Variants in HSF5 observed in about 807,000 individuals in gnomAD.
HSF5 encodes the protein heat shock factor protein 5.
A neutral mutation model predicts 50.8 loss-of-function variants in HSF5; 5 were observed. The ratio of observed to expected loss-of-function variants is 0.10; its 90% CI spans 0.05 to 0.21. HSF5 has a LOEUF of 0.21. HSF5 is among the 10% of genes least tolerant of loss of function. The pLI is 1.00. For missense variants in HSF5, 564 were observed against 762.6 expected (o/e 0.74, Z 3.07); for synonymous variants, 307 against 307.4 (o/e 1.00, Z 0.02).
At chr17:58,449,599 C>G (rs1033930092) in intron 5 of HSF5, among the ~76,000 whole-genome samples, 2 of 151,572 alleles carry the variant, frequency 1.3e-5, no homozygotes, top group Non-Finnish European at 2.9e-5. Flanking sequence ...ACTCAGGAGG[C>G]TGAGGCACGA....
rs1163186942 is a variant in HSF5, at chr17:58,459,073, CTTA to C, written c.1543-131_1543-129del. The stretch of plus-strand genomic sequence containing the variant: ...AAACAAGCTTATAAGGCTTTTCATT[CTTA>C]TTATTGATACTATACCTTTCTCCCT... On this transcript the variant is annotated intron_variant, in intron 4 of 5. Transcript: ENST00000323777. 3.8e-5 allele frequency: 29 copies of C among 771,482 alleles called. No homozygotes were observed. The Middle Eastern group carries it at 2.0e-3, about 54-fold the overall frequency. 47.8% of individuals were successfully genotyped at this position (771,482 alleles called of 1,614,324 possible). A position where few individuals can be genotyped will look rare whatever the true frequency, so the allele number is the denominator to read the frequency against.
At chr17:58,442,766 T>C (rs549493985) in intron 5 of HSF5, among the ~76,000 whole-genome samples, 9 of 152,254 alleles carry the variant, frequency 5.9e-5, no homozygotes, top group East Asian at 1.9e-4. Flanking sequence ...GTTTGAGATG[T>C]AGTCTCTGTT....
chr17:58,479,828 A>AATAT, intron 2 of HSF5, 65 bp downstream of exon 2: 2 of 1,357,722 alleles, frequency 1.5e-6, no homozygotes, highest in African/African-American at 2.9e-5. Flanking sequence ...ATGCATTTAA[A>AATAT]ATATATATAT....
chr17:58,452,683 T>C (rs1974656971), intron 5 of HSF5, among the ~76,000 whole-genome samples: 1 of 152,148 alleles, frequency 6.6e-6, no homozygotes, highest in Non-Finnish European at 1.5e-5. Flanking sequence ...CACCGCACCA[T>C]CTGGGAAGTG....
chr17:58,429,784 T>G (rs1974340129), intron 5 of HSF5, among the ~76,000 whole-genome samples: 3 of 150,028 alleles, frequency 2.0e-5, no homozygotes, highest in African/African-American at 7.3e-5. Flanking sequence ...AGGTGGAGGT[T>G]GCAGTGAGCC....
chr17:58,424,830 T>C (rs142428034), intron 5 of HSF5, among the ~76,000 whole-genome samples: 5 of 152,198 alleles, frequency 3.3e-5, no homozygotes, highest in Non-Finnish European at 5.9e-5. Context: ...TTCTGGCACA[T>C]GCTACAACAA....
chr17:58,484,259 A>G (rs1169579665), intron 1 of HSF5, among the ~76,000 whole-genome samples: 1 of 152,120 alleles, frequency 6.6e-6, no homozygotes, highest in Non-Finnish European at 1.5e-5. Context: ...ACTTAGTTAT[A>G]TATGGATTGA....
At chr17:58,436,472 C>A (rs578146774) in intron 5 of HSF5, among the ~76,000 whole-genome samples, 94 of 151,346 alleles carry the variant, frequency 6.2e-4, no homozygotes, top group Non-Finnish European at 1.1e-3. Flanking sequence ...TGTTTCACAG[C>A]AGGAAGCCAA....
At chr17:58,446,137 CAAAAAAAAA>C (rs575406434) in intron 5 of HSF5, among the ~76,000 whole-genome samples, 1 of 47,840 alleles carries the variant, frequency 2.1e-5, no homozygotes, top group African/African-American at 7.7e-5. Flanking sequence ...AACTCCATCT[CAAAAAAAAA>C]AAAAAAAAAA....
At chr17:58,482,006 A>G (rs1399403398) in intron 1 of HSF5, among the ~76,000 whole-genome samples, 1 of 152,172 alleles carries the variant, frequency 6.6e-6, no homozygotes, top group Non-Finnish European at 1.5e-5. Context: ...TTTCGAAAAG[A>G]AATAATAAAG....
Position 58,476,759 on chromosome 17 carries a change from C to T in HSF5, c.925+3134G>A, listed in dbSNP as rs1402643954. On this transcript the variant is annotated intron_variant, in intron 2 of 5. Transcript: ENST00000323777. ...GATCTCTTCTGAAAAAAATGGTTGG[C>T]GGAGTTTGTTATATTTCTGTTCTAC... The T allele has an allele frequency of 8.1e-6, 13 of 1,598,098 alleles. No individual in the cohort carries two copies. In the Admixed American group the frequency reaches 8.3e-5, roughly 10 times the overall value.
intron 5 of HSF5, among the ~76,000 whole-genome samples, chr17:58,429,062 A>G (rs1974332184): frequency 3.9e-5 from 6 of 152,270 alleles, no homozygotes; most frequent in Admixed American, 3.9e-4. Context: ...CAGCCATAAT[A>G]AGAAATGAAG....
Position 58,421,495 on chromosome 17 carries a change from C to T in HSF5, c.*865G>A. 1 of 152,262 alleles carries T rather than the reference C, an allele frequency of 6.6e-6. No homozygotes were observed. Among genetic ancestry groups the T allele is most frequent in the Non-Finnish European group, 1.5e-5 (1 of 68,016 alleles). The allele number at this position is 152,262 out of a possible 1,614,324, so 9.4% of individuals were successfully genotyped here. A position where few individuals can be genotyped will look rare whatever the true frequency, so the allele number is the denominator to read the frequency against. On this transcript the variant is annotated 3_prime_UTR_variant, in exon 6 of 6. Transcript: ENST00000323777. Reference sequence around the variant, plus strand: ...TTTTCCTTTCAAAATAAAAATACTACACATGCATCCTTTATCCTTCTATCC... The same window carrying T: ...TTTTCCTTTCAAAATAAAAATACTATACATGCATCCTTTATCCTTCTATCC...
At chr17:58,459,688 G>T (rs533049364) in intron 4 of HSF5, among the ~76,000 whole-genome samples, 220 of 149,960 alleles carry the variant, frequency 1.5e-3, no homozygotes, top group Non-Finnish European at 2.3e-3. Flanking sequence ...ACAGGGTCTC[G>T]CTATGTTGCC....
chr17:58,457,955 C>T (rs1219320197), intron 5 of HSF5, among the ~76,000 whole-genome samples: 1 of 152,194 alleles, frequency 6.6e-6, no homozygotes, highest in Non-Finnish European at 1.5e-5. Flanking sequence ...ACACCATGAT[C>T]ATATCACTAT....
At chr17:58,471,493 A>G (rs960457650) in intron 2 of HSF5, among the ~76,000 whole-genome samples, 1 of 152,238 alleles carries the variant, frequency 6.6e-6, no homozygotes, top group Admixed American at 6.5e-5. Context: ...TTAAAACAAT[A>G]ATCAGTAACT....
At chr17:58,484,823 C>T (rs1251037085) in intron 1 of HSF5, among the ~76,000 whole-genome samples, 1 of 152,140 alleles carries the variant, frequency 6.6e-6, no homozygotes, top group Non-Finnish European at 1.5e-5. Flanking sequence ...AGTTCCTTAT[C>T]TTCTAAATTC....
intron 1 of HSF5, among the ~76,000 whole-genome samples, chr17:58,482,471 G>A (rs1305564454): frequency 6.6e-6 from 1 of 151,950 alleles, no homozygotes; most frequent in African/African-American, 2.4e-5. Flanking sequence ...CATTTTGGGA[G>A]GCTGAGGAGG....
rs181686510 is a variant in HSF5 at position 58,460,374 on chromosome 17, A to C, written c.1543-1429T>G. Among the ~76,000 whole-genome samples the C allele has an allele frequency of 5.8e-3, 883 of 152,130 alleles. 5 individuals are homozygous for C. The highest frequency in any genetic ancestry group is 9.3e-3 in the African/African-American group (387 of 41,510). Reference sequence around the variant, plus strand: ...CTTTGGAATGTAAATCCCTTTGTCAAGTTGATCAACTTCTGAAATACTCCA... The same window carrying C: ...CTTTGGAATGTAAATCCCTTTGTCACGTTGATCAACTTCTGAAATACTCCA... On this transcript the variant is annotated intron_variant, in intron 4 of 5. Transcript: ENST00000323777.
Sources: gnomAD v4.1 joint callset for allele counts (sites outside exome capture counted in the v4.1 genomes callset) on GRCh38, gnomAD v4.1.1 for gene constraint, MANE v1.5 for transcripts, NCBI Gene and HGNC (gene_info 2026-07-23, HGNC 2026-07-21) for gene names.